MICU3: variants seen among roughly 807,000 people sequenced by gnomAD.
MICU3 encodes the protein mitochondrial calcium uptake 3.
MICU3 carries 62 observed loss-of-function variants against 66.5 expected under a neutral mutation model. The ratio of observed to expected loss-of-function variants is 0.93; its 90% CI spans 0.76 to 1.15. The LOEUF is 1.15. Ranked by LOEUF, MICU3 falls within the 50% of genes most tolerant of loss-of-function variation. The probability of loss-of-function intolerance (pLI) is 0.00; values close to 1 mark genes in which losing one functional copy is unlikely to be tolerated. For missense variants in MICU3, 779 were observed against 664.4 expected, an observed-to-expected ratio of 1.17 and a Z score of -1.90; for synonymous variants, 308 against 240.7, an observed-to-expected ratio of 1.28 and a Z score of -2.59.
At chr8:17,052,897 T>A (rs764149018) in intron 1 of MICU3, among the ~76,000 whole-genome samples, 11 of 152,234 alleles carry the variant, frequency 7.2e-5, no homozygotes, top group Non-Finnish European at 1.6e-4. Flanking sequence ...TCCATAAGAT[T>A]CTTGCCCAGA....
intron 1 of MICU3, among the ~76,000 whole-genome samples, chr8:17,061,204 T>C (rs1817772250): frequency 1.3e-5 from 2 of 151,966 alleles, no homozygotes; most frequent in Non-Finnish European, 2.9e-5. Flanking sequence ...ACTGCAGGCT[T>C]TGTTAGTTGA....
intron 8 of MICU3, 96 bp downstream of exon 8, chr8:17,090,680 A>G: frequency 1.1e-6 from 1 of 920,492 alleles, no homozygotes; most frequent in Non-Finnish European, 1.6e-6. Context: ...TCTGCTGTTT[A>G]CTAATAGAAT....
chr8:17,111,441 C>T (rs1169305069), intron 11 of MICU3, among the ~76,000 whole-genome samples: 1 of 152,174 alleles, frequency 6.6e-6, no homozygotes, highest in Admixed American at 6.5e-5. Context: ...CCTGCCTCAG[C>T]TTCTCAAGTA....
chr8:17,052,711 G>GA (rs1816302211), intron 1 of MICU3, among the ~76,000 whole-genome samples: 1 of 152,110 alleles, frequency 6.6e-6, no homozygotes, highest in Non-Finnish European at 1.5e-5. Flanking sequence ...GAGTACTTGG[G>GA]ATTTTCCCAC....
intron 1 of MICU3, 132 bp from the exon 2 acceptor site, chr8:17,063,952 C>A: frequency 2.0e-6 from 1 of 506,872 alleles, no homozygotes; most frequent in Non-Finnish European, 3.4e-6. Context: ...AAGTGATTAA[C>A]GTTTTTCAGA....
chr8:17,035,782 G>C (rs1380346120), intron 1 of MICU3, among the ~76,000 whole-genome samples: 1 of 152,200 alleles, frequency 6.6e-6, no homozygotes, highest in Non-Finnish European at 1.5e-5. Context: ...TTTGCAACCT[G>C]ATGATGTGAT....
At chr8:17,131,167 GT>G in the MICU3 span, 1 of 152,200 alleles carries the variant, frequency 6.6e-6, no homozygotes, top group African/African-American at 2.4e-5. Context: ...AAATTGACTA[GT>G]GAAAGTTAAG....
At chr8:17,043,421 C>T (rs1484973783) in intron 1 of MICU3, among the ~76,000 whole-genome samples, 1 of 152,092 alleles carries the variant, frequency 6.6e-6, no homozygotes, top group Non-Finnish European at 1.5e-5. Flanking sequence ...TGTAATTGTC[C>T]ATATACATAC....
rs147708506 is a variant in MICU3 at position 17,094,326 on chromosome 8, T to C, written c.888+3742T>C. On this transcript the variant is annotated intron_variant, in intron 8 of 14. Coordinates refer to ENST00000318063, the MANE Select transcript of MICU3 (RefSeq NM_181723.3). ...AAAGTTATTGAGGATCCAAAAGATA[T>C]TTTGTTTACATATGTTATGTATTTA... Among the ~76,000 whole-genome samples, 8 of 152,176 alleles carry C rather than the reference T, an allele frequency of 5.3e-5. No individual in the cohort carries two copies. The East Asian group carries it at 1.4e-3, about 26-fold the overall frequency.
At chr8:17,032,827 T>C (rs1274087871) in intron 1 of MICU3, among the ~76,000 whole-genome samples, 1 of 152,226 alleles carries the variant, frequency 6.6e-6, no homozygotes, top group Non-Finnish European at 1.5e-5. Flanking sequence ...ATTATACGCG[T>C]ACTTAATGTT....
chr8:17,087,584 C>A (rs185485896), intron 7 of MICU3, among the ~76,000 whole-genome samples: 9 of 152,078 alleles, frequency 5.9e-5, no homozygotes, highest in Admixed American at 1.3e-4. Flanking sequence ...TCAGCCTGAC[C>A]ATAGGCCAGG....
Position 17,118,726 on chromosome 8 carries a change from A to C in MICU3, c.1544A>C (p.Lys515Thr), listed in dbSNP as rs1452328045. The C allele has an allele frequency of 6.2e-7, 1 of 1,611,972 alleles. No homozygotes were observed. The highest frequency in any genetic ancestry group is 1.1e-5 in the South Asian group (1 of 90,934). Reference sequence around the variant, plus strand: ...TTACAGGGTTATAAAACAGTCCAGAAGTACCCCACTTTCAAATCCTGCCTG... The same window carrying C: ...TTACAGGGTTATAAAACAGTCCAGACGTACCCCACTTTCAAATCCTGCCTG... The part of the protein sequence containing the change: ...RGFRGYKTVQ[K>T]YPTFKSCLKK... The change falls in exon 14 of 15, where the codon AAG (lysine) becomes ACG (threonine). Residue 515 changes from lysine (K) to threonine (T), a missense_variant. Lys to Thr is a moderately conservative substitution (Grantham distance 78). Coordinates refer to ENST00000318063, the MANE Select transcript of MICU3 (RefSeq NM_181723.3).
intron 14 of MICU3, among the ~76,000 whole-genome samples, chr8:17,119,135 TC>T (rs1197946742): frequency 6.6e-6 from 1 of 152,142 alleles, no homozygotes; most frequent in East Asian, 1.9e-4. Context: ...ACAGGTAGTA[TC>T]TCATTTAATT....
chr8:17,135,102 T>A, the MICU3 span, among the ~76,000 whole-genome samples: 1 of 152,124 alleles, frequency 6.6e-6, no homozygotes, highest in African/African-American at 2.4e-5. Flanking sequence ...TATTGTTGCT[T>A]TTAAGAATGG....
chr8:17,111,281 A>G (rs1471672914), intron 11 of MICU3, among the ~76,000 whole-genome samples: 2 of 151,856 alleles, frequency 1.3e-5, no homozygotes, highest in East Asian at 3.9e-4. Context: ...ATTTTCTCCC[A>G]TTTTGTGGAT....
At chr8:17,037,785 G>C (rs1441886418) in intron 1 of MICU3, among the ~76,000 whole-genome samples, 3 of 152,210 alleles carry the variant, frequency 2.0e-5, no homozygotes, top group Non-Finnish European at 4.4e-5. Flanking sequence ...GCTGTACCCT[G>C]CAAAGCCACA....
chr8:17,078,317 C>A (rs566014696), intron 4 of MICU3, among the ~76,000 whole-genome samples: 2 of 152,060 alleles, frequency 1.3e-5, no homozygotes, highest in South Asian at 4.1e-4. Flanking sequence ...CCTTTGACAG[C>A]CTAATTTGGA....
downstream of MICU3, among the ~76,000 whole-genome samples, chr8:17,127,590 T>C (rs1803436266): frequency 6.6e-6 from 1 of 152,214 alleles, no homozygotes; most frequent in Non-Finnish European, 1.5e-5. Context: ...AGAAGTAAAT[T>C]AAGCAAAAGG....
chr8:17,134,806 G>C, the MICU3 span, among the ~76,000 whole-genome samples: 1 of 152,030 alleles, frequency 6.6e-6, no homozygotes. Context: ...CCCACATCAG[G>C]GATAGCAATC....
Sources: allele counts gnomAD v4.1 joint callset (sites outside exome capture counted in the v4.1 genomes callset), GRCh38; gene constraint gnomAD v4.1.1; transcripts MANE v1.5; gene names NCBI Gene and HGNC (gene_info 2026-07-23, HGNC 2026-07-21).